Variants in RFT1 observed in about 807,000 individuals in gnomAD.
RFT1 encodes man(5)GlcNAc(2)-PP-dolichol translocation protein RFT1.
RFT1 carries 43 observed loss-of-function variants against 62.2 expected under a neutral mutation model. The ratio of observed to expected loss-of-function variants is 0.69; its 90% CI spans 0.54 to 0.89. The LOEUF (loss-of-function observed/expected upper bound fraction) is 0.89. RFT1 is among the 40% of genes least tolerant of loss of function. The pLI is 0.00. For synonymous variants in RFT1, 262 were observed against 264.6 expected (o/e 0.99, Z 0.10); for missense variants, 605 against 649.9 (o/e 0.93, Z 0.75).
chr3:53,086,397 C>T (rs954085373), downstream of RFT1, among the ~76,000 whole-genome samples: 2 of 152,092 alleles, frequency 1.3e-5, no homozygotes, highest in African/African-American at 2.4e-5. Context: ...CTCACTGCAA[C>T]CTCTGCCTCC....
At chr3:53,097,003 C>T (rs1458239805) in intron 11 of RFT1, among the ~76,000 whole-genome samples, 1 of 152,124 alleles carries the variant, frequency 6.6e-6, no homozygotes, top group Non-Finnish European at 1.5e-5. Flanking sequence ...CTTTGGCATC[C>T]CAAAGTGCTG....
chr3:53,085,386 T>C (rs1294420966), downstream of RFT1, among the ~76,000 whole-genome samples: 1 of 152,208 alleles, frequency 6.6e-6, no homozygotes, highest in African/African-American at 2.4e-5. Flanking sequence ...CAGGGCCCAG[T>C]GTTCATTCGG....
At chr3:53,067,366 T>A in the RFT1 span, among the ~76,000 whole-genome samples, 1 of 151,864 alleles carries the variant, frequency 6.6e-6, no homozygotes, top group Admixed American at 6.6e-5. Flanking sequence ...TATACAAAAA[T>A]AAAAAACATT....
chr3:53,095,039 G>A (rs1176873264), intron 11 of RFT1, among the ~76,000 whole-genome samples: 5 of 150,018 alleles, frequency 3.3e-5, no homozygotes, highest in Non-Finnish European at 5.9e-5. Flanking sequence ...AGGCCGAGGC[G>A]GGTAGATCGC....
the RFT1 span, among the ~76,000 whole-genome samples, chr3:53,073,308 G>A: frequency 6.6e-6 from 1 of 152,256 alleles, no homozygotes; most frequent in African/African-American, 2.4e-5. Context: ...CTGTGGGTGA[G>A]GAGAGAACCT....
intron 1 of RFT1, among the ~76,000 whole-genome samples, chr3:53,126,441 G>A (rs979096567): frequency 1.3e-5 from 2 of 152,156 alleles, no homozygotes; most frequent in Non-Finnish European, 2.9e-5. Context: ...CAGAAATCAT[G>A]GGGACTAATT....
At chr3:53,087,081 T>C (rs1700870368), downstream of RFT1, among the ~76,000 whole-genome samples, 1 of 151,962 alleles carries the variant, frequency 6.6e-6, no homozygotes, top group Non-Finnish European at 1.5e-5. Context: ...CTACTAAAAA[T>C]ACAAAAATTA....
intron 6 of RFT1, among the ~76,000 whole-genome samples, chr3:53,118,714 A>G (rs1264417803): frequency 6.6e-6 from 1 of 152,170 alleles, no homozygotes; most frequent in Non-Finnish European, 1.5e-5. Context: ...CTTAGCAGAG[A>G]CAACGTGGCA....
intron 1 of RFT1, among the ~76,000 whole-genome samples, chr3:53,126,587 T>C (rs1291030325): frequency 2.0e-5 from 3 of 152,178 alleles, no homozygotes; most frequent in Non-Finnish European, 2.9e-5. Context: ...CAGGGAGAAG[T>C]TGAAATACCT....
intron 7 of RFT1, 45 bp downstream of exon 7, chr3:53,111,785 C>T (rs1701655206): frequency 6.6e-7 from 1 of 1,518,748 alleles, no homozygotes; most frequent in South Asian, 1.1e-5. Context: ...ATGAAATCCC[C>T]TTCTACTATG....
intron 10 of RFT1, among the ~76,000 whole-genome samples, chr3:53,100,009 T>C (rs1357578784): frequency 1.3e-5 from 2 of 152,120 alleles, no homozygotes; most frequent in East Asian, 1.9e-4. Flanking sequence ...AGAACAATTA[T>C]GAATAAATGT....
chr3:53,103,824 C>A (rs1701384264), intron 10 of RFT1, 129 bp downstream of exon 10: 1 of 1,165,706 alleles, frequency 8.6e-7, no homozygotes, highest in Non-Finnish European at 1.3e-6. Context: ...GTCCCACAGC[C>A]CCTGCCACCA....
intron 6 of RFT1, among the ~76,000 whole-genome samples, chr3:53,113,522 G>A (rs1170074622): frequency 6.6e-6 from 1 of 152,212 alleles, no homozygotes; most frequent in Admixed American, 6.5e-5. Context: ...TCAGTCATGT[G>A]GGCCCCTGTT....
chr3:53,076,465 T>C, the RFT1 span, among the ~76,000 whole-genome samples: 2 of 152,066 alleles, frequency 1.3e-5, no homozygotes, highest in Non-Finnish European at 2.9e-5. Flanking sequence ...AATTATAGCT[T>C]GAGGAAAAAC....
intron 11 of RFT1, among the ~76,000 whole-genome samples, chr3:53,096,344 A>G (rs926847720): frequency 4.6e-5 from 7 of 152,106 alleles, no homozygotes; most frequent in African/African-American, 1.4e-4. Flanking sequence ...GCATAATGAA[A>G]AATCCATCAA....
chr3:53,116,230 C>G (rs1701786914), intron 6 of RFT1, among the ~76,000 whole-genome samples: 1 of 151,888 alleles, frequency 6.6e-6, no homozygotes, highest in African/African-American at 2.4e-5. Context: ...GGAGTCAAGT[C>G]AGGCATGCTG....
chr3:53,093,259 C>T (rs933926420), intron 11 of RFT1, among the ~76,000 whole-genome samples: 2 of 152,196 alleles, frequency 1.3e-5, no homozygotes, highest in Non-Finnish European at 2.9e-5. Context: ...ATCACCTCTG[C>T]TATTTTCCAG....
Position 53,099,760 on chromosome 3 carries a change from A to G in RFT1, c.1103-274T>C, listed in dbSNP as rs2564959. Among the ~76,000 whole-genome samples the G allele has an allele frequency of 1, 152,342 of 152,368 alleles. 76,158 individuals carry two copies. The highest frequency in any genetic ancestry group is 1 in the Non-Finnish European group (68,044 of 68,044). The stretch of plus-strand genomic sequence containing the variant: ...CTAGCACTTTGGGAGGCCCAAGGCC[A>G]GCAGACTGCTAGAGCCCAGAGGTTA... On this transcript the variant is annotated intron_variant, in intron 10 of 12. Coordinates refer to ENST00000296292, the MANE Select transcript of RFT1 (RefSeq NM_052859.4).
chr3:53,121,793 G>C lies in RFT1; in HGVS notation c.464C>G (p.Ala155Gly), dbSNP rs1441819935. The C allele has an allele frequency of 1.9e-6, 3 of 1,612,158 alleles. No homozygotes were observed. The Admixed American group carries it at 5.0e-5, about 27-fold the overall frequency. ...CTTAAGAATTACCGACAGGCTCTCT[G>C]CAATCACCTGCAAACATGTGGTTAA... ...AHMFVKLKVIAESLSVILKSV... is the reference protein window; with the variant it reads ...AHMFVKLKVIGESLSVILKSV... Residue 155 changes from alanine (A) to glycine (G), a missense_variant, in exon 5 of 13, where the codon GCA (alanine) becomes GGA (glycine). Coordinates refer to ENST00000296292, the MANE Select transcript of RFT1 (RefSeq NM_052859.4).
Sources: allele counts gnomAD v4.1 joint callset (sites outside exome capture counted in the v4.1 genomes callset), GRCh38; gene constraint gnomAD v4.1.1; transcripts MANE v1.5; gene names NCBI Gene and HGNC (gene_info 2026-07-23, HGNC 2026-07-21).